The following SERTM1 variants were observed in gnomAD, a reference collection of about 807,000 sequenced individuals.
The protein encoded by SERTM1 is serine-rich and transmembrane domain-containing protein 1.
A neutral mutation model predicts 5.5 loss-of-function variants in SERTM1; 1 was observed. The ratio of observed to expected loss-of-function variants is 0.18; its 90% CI spans 0.06 to 0.86. SERTM1 has a LOEUF of 0.86. SERTM1 is among the 40% of genes least tolerant of loss of function. SERTM1 has a pLI of 0.69. For synonymous variants in SERTM1, 52 were observed against 55.1 expected (o/e 0.94, Z 0.25); for missense variants, 91 against 122.4 (o/e 0.74, Z 1.21).
In SERTM1 at chr13:36,682,222, CTTTCA is replaced by C. The variant is rs1215245299; in HGVS notation, c.-174+8041_-174+8045del. Among the ~76,000 whole-genome samples, 5 of 152,306 alleles carry C rather than the reference CTTTCA, an allele frequency of 3.3e-5. No homozygotes were observed. In the East Asian group the frequency reaches 7.7e-4, roughly 23 times the overall value. ...CTTCAAGTTTCTTTATTCCCTTATTCTTTCATTCATGCAGCCATCTAACAAATGCT... is the reference window on the plus strand; with the variant it reads ...CTTCAAGTTTCTTTATTCCCTTATTCTTCATGCAGCCATCTAACAAATGCT... On this transcript the variant is annotated intron_variant, in intron 1 of 1. Coordinates refer to ENST00000315190, the MANE Select transcript of SERTM1 (RefSeq NM_203451.3).
chr13:36,693,564 C>T (rs540699164), intron 1 of SERTM1, among the ~76,000 whole-genome samples: 2 of 152,234 alleles, frequency 1.3e-5, no homozygotes, highest in African/African-American at 2.4e-5. Flanking sequence ...CTGCCTGTCA[C>T]CCAACAGGGA....
rs373194197 is a variant in SERTM1, at chr13:36,680,191, A to G, written c.-174+6007A>G. On this transcript the variant is annotated intron_variant, in intron 1 of 1. Coordinates refer to ENST00000315190, the MANE Select transcript of SERTM1 (RefSeq NM_203451.3). ...TCAAGGCAAAACTGTCGTTCTAACA[A>G]CTACTCATGGGAAAGTCTTTGGTGA... Among the ~76,000 whole-genome samples the G allele has an allele frequency of 1.5e-3, 229 of 152,320 alleles. 1 individual carries two copies. The highest frequency in any genetic ancestry group is 4.8e-3 in the African/African-American group (201 of 41,570).
At chr13:36,692,255 C>G (rs950169860) in intron 1 of SERTM1, among the ~76,000 whole-genome samples, 2 of 152,222 alleles carry the variant, frequency 1.3e-5, no homozygotes, top group Admixed American at 6.5e-5. Context: ...ATAAACTCTC[C>G]TGTCAACAGT....
intron 1 of SERTM1, among the ~76,000 whole-genome samples, chr13:36,682,725 T>C (rs1270515927): frequency 6.6e-6 from 1 of 152,158 alleles, no homozygotes; most frequent in Non-Finnish European, 1.5e-5. Context: ...ACAGACCATA[T>C]AAGAGAAGTC....
intron 1 of SERTM1, among the ~76,000 whole-genome samples, chr13:36,680,815 C>G (rs606098): frequency 0.01 from 1,566 of 152,150 alleles, 25 homozygotes; most frequent in African/African-American, 0.033. Context: ...TGCAGTGGTG[C>G]GATCTCTGCT....
intron 1 of SERTM1, among the ~76,000 whole-genome samples, chr13:36,691,402 C>G (rs968933868): frequency 6.6e-6 from 1 of 152,178 alleles, no homozygotes; most frequent in Non-Finnish European, 1.5e-5. Flanking sequence ...TTTCCCCACC[C>G]CACTGGGCAC....
chr13:36,688,101 T>A (rs1298044427), intron 1 of SERTM1, among the ~76,000 whole-genome samples: 1 of 152,140 alleles, frequency 6.6e-6, no homozygotes, highest in Non-Finnish European at 1.5e-5. Context: ...AAAAAATATA[T>A]ATTGGATACA....
chr13:36,683,194 TA>T (rs2056717166), intron 1 of SERTM1, among the ~76,000 whole-genome samples: 1 of 152,318 alleles, frequency 6.6e-6, no homozygotes, highest in South Asian at 2.1e-4. Context: ...CCTTATACAG[TA>T]GCAGCTCATC....
chr13:36,693,082 T>A (rs1404745330), intron 1 of SERTM1, among the ~76,000 whole-genome samples: 2 of 152,118 alleles, frequency 1.3e-5, no homozygotes, highest in Admixed American at 1.3e-4. Context: ...TTATAGGGGG[T>A]GAGGGTGGGG....
At chr13:36,683,612 C>A (rs2138088487) in intron 1 of SERTM1, among the ~76,000 whole-genome samples, 1 of 152,262 alleles carries the variant, frequency 6.6e-6, no homozygotes, top group Admixed American at 6.5e-5. Context: ...CTCAAGGATG[C>A]AGACTGATAG....
intron 1 of SERTM1, among the ~76,000 whole-genome samples, chr13:36,677,117 A>G (rs7325529): frequency 0.44 from 67,320 of 152,064 alleles, 15,911 homozygotes; most frequent in South Asian, 0.57. Context: ...CTAGGATACA[A>G]CGTCTTCATG....
In SERTM1 at chr13:36,674,108, G is replaced by C. The variant is rs904239680; in HGVS notation, c.-250G>C. On this transcript the variant is annotated 5_prime_UTR_variant, in exon 1 of 2. Transcript: ENST00000315190. ...TTCCCGAGGACGGCTTCGCGGGCGC[G>C]TATCGTCCAGACCGGAGCACCGCCC... The C allele has an allele frequency of 4.6e-5, 7 of 152,368 alleles. No individual in the cohort carries two copies. In the East Asian group the frequency reaches 1.2e-3, roughly 25 times the overall value. The allele number at this position is 152,368 out of a possible 1,614,324, so 9.4% of individuals were successfully genotyped here.
intron 1 of SERTM1, among the ~76,000 whole-genome samples, chr13:36,678,928 A>G (rs2056686581): frequency 6.6e-6 from 1 of 151,978 alleles, no homozygotes; most frequent in South Asian, 2.1e-4. Context: ...TTTGTGTGAA[A>G]AGAGAAGCAT....
Position 36,695,559 on chromosome 13 carries a change from T to C in SERTM1, c.*157T>C, listed in dbSNP as rs989928880. The C allele has an allele frequency of 9.3e-6, 6 of 646,504 alleles. No individual in the cohort carries two copies. In the Admixed American group the frequency reaches 1.8e-4, roughly 19 times the overall value. 40.0% of individuals were successfully genotyped at this position (646,504 alleles called of 1,614,324 possible). On this transcript the variant is annotated 3_prime_UTR_variant, in exon 2 of 2. Coordinates refer to ENST00000315190, the MANE Select transcript of SERTM1 (RefSeq NM_203451.3). ...ATTTCTTTTCTGTTCATGATGCTTT[T>C]CATTTGGGGATGGAGACACCGATGT...
rs772320427 is a variant in SERTM1 at position 36,697,107 on chromosome 13, C to G, written c.*1705C>G. 4 of 166,788 alleles carry G rather than the reference C, an allele frequency of 2.4e-5. No individual in the cohort carries two copies. The highest frequency in any genetic ancestry group is 5.9e-5 in the Non-Finnish European group (4 of 68,094). 10.3% of individuals were successfully genotyped at this position (166,788 alleles called of 1,614,324 possible). On this transcript the variant is annotated 3_prime_UTR_variant, in exon 2 of 2. Coordinates refer to ENST00000315190, the MANE Select transcript of SERTM1 (RefSeq NM_203451.3). ...ATATATCAAAAACGTCCCCAAACAC[C>G]ATAAGACCAGCACAGAGTTGCTGCC...
At chr13:36,681,772 C>T (rs1483691017) in intron 1 of SERTM1, among the ~76,000 whole-genome samples, 1 of 152,194 alleles carries the variant, frequency 6.6e-6, no homozygotes, top group Non-Finnish European at 1.5e-5. Context: ...TTCATAGTCT[C>T]ACTATGGTAA....
chr13:36,692,108 A>T (rs1190440860), intron 1 of SERTM1, among the ~76,000 whole-genome samples: 1 of 152,170 alleles, frequency 6.6e-6, no homozygotes, highest in Non-Finnish European at 1.5e-5. Flanking sequence ...ATTTGGGGGG[A>T]ATACTTAAGG....
At chr13:36,686,277 A>C (rs2056740906) in intron 1 of SERTM1, among the ~76,000 whole-genome samples, 1 of 152,222 alleles carries the variant, frequency 6.6e-6, no homozygotes, top group African/African-American at 2.4e-5. Context: ...TGATGGTAGC[A>C]GCAAGTAGTT....
At chr13:36,675,721 A>C (rs964523305) in intron 1 of SERTM1, among the ~76,000 whole-genome samples, 2 of 152,186 alleles carry the variant, frequency 1.3e-5, no homozygotes, top group African/African-American at 4.8e-5. Flanking sequence ...TGCCTTTTGG[A>C]GGGCTTGTGA....
Sources: allele counts gnomAD v4.1 joint callset (sites outside exome capture counted in the v4.1 genomes callset), GRCh38; gene constraint gnomAD v4.1.1; transcripts MANE v1.5; gene names NCBI Gene and HGNC (gene_info 2026-07-23, HGNC 2026-07-21).